KHDRBS3: variants seen among roughly 807,000 people sequenced by gnomAD.
KHDRBS3 encodes KH domain-containing, RNA-binding, signal transduction-associated protein 3.
Under a neutral mutation model 45.6 loss-of-function variants are expected in KHDRBS3, and 23 were observed. The observed-to-expected ratio is 0.50, with a 90% CI of 0.36 to 0.72. The LOEUF is 0.72. Among genes scored for constraint, KHDRBS3 ranks in the 30% least tolerant of loss-of-function variants. The pLI is 0.00. For missense variants in KHDRBS3, 352 were observed against 424.8 expected, an observed-to-expected ratio of 0.83 and a Z score of 1.51; for synonymous variants, 162 against 156.5, an observed-to-expected ratio of 1.04 and a Z score of -0.26.
chr8:135,570,473 A>T (rs1827647270), intron 5 of KHDRBS3, among the ~76,000 whole-genome samples: 1 of 152,368 alleles, frequency 6.6e-6, no homozygotes, highest in South Asian at 2.1e-4. Context: ...GGTATGATTT[A>T]TATTAATGTA....
chr8:135,655,235 A>T (rs546970281), intron 4 of KHDRBS3, among the ~76,000 whole-genome samples: 3 of 152,324 alleles, frequency 2.0e-5, no homozygotes, highest in African/African-American at 7.2e-5. Flanking sequence ...AGCAGTACTG[A>T]TGCTTTATGC....
intron 7 of KHDRBS3, among the ~76,000 whole-genome samples, chr8:135,629,907 A>C (rs1358350578): frequency 6.6e-6 from 1 of 152,190 alleles, no homozygotes; most frequent in Non-Finnish European, 1.5e-5. Flanking sequence ...CTCCACCCAT[A>C]TAGTAACTTC....
intron 4 of KHDRBS3, chr8:135,549,392 G>A (rs1489706208): frequency 6.6e-6 from 1 of 152,188 alleles, no homozygotes; most frequent in African/African-American, 2.4e-5. Flanking sequence ...AAATATAACA[G>A]ACATAACCAT....
Position 135,550,635 on chromosome 8 carries a change from A to G in KHDRBS3, c.471+1735A>G, listed in dbSNP as rs1826541417. Among the ~76,000 whole-genome samples, 3 of 152,206 alleles carry G rather than the reference A, an allele frequency of 2.0e-5. No individual in the cohort carries two copies. In the South Asian group the frequency reaches 6.2e-4, roughly 31 times the overall value. ...GCTCTTAATTACTTTAGCCTTAAGT[A>G]AATCTGGAAATCTAGGTTGTGTAAA... On this transcript the variant is annotated intron_variant, in intron 4 of 8. Coordinates refer to ENST00000355849, the MANE Select transcript of KHDRBS3 (RefSeq NM_006558.3).
intron 1 of KHDRBS3, among the ~76,000 whole-genome samples, chr8:135,480,656 GA>G (rs923920955): frequency 2.6e-5 from 4 of 151,412 alleles, no homozygotes; most frequent in Non-Finnish European, 5.9e-5. Context: ...AGGTAGAAAG[GA>G]AAAAAAAGAG....
chr8:135,534,094 CA>C lies in KHDRBS3; in HGVS notation c.208-8559del, dbSNP rs138638426. On this transcript the variant is annotated intron_variant, in intron 2 of 8. Coordinates refer to ENST00000355849, the MANE Select transcript of KHDRBS3 (RefSeq NM_006558.3). The stretch of plus-strand genomic sequence containing the variant: ...GTCTATATCTTGTACTGTATCCAAA[CA>C]TTTTTTAAAAAAATTCTTTATATCC... Among the ~76,000 whole-genome samples the C allele has an allele frequency of 0.02, 2,971 of 152,192 alleles. 309 individuals carry two copies. In the East Asian group the frequency reaches 0.34, roughly 17 times the overall value.
intron 1 of KHDRBS3, among the ~76,000 whole-genome samples, chr8:135,502,665 G>A (rs955166509): frequency 6.6e-5 from 10 of 152,114 alleles, no homozygotes; most frequent in African/African-American, 2.4e-4. Context: ...TGAGCTCAGC[G>A]ATGCCTGTCT....
chr8:135,586,583 T>C (rs993505188), intron 6 of KHDRBS3, among the ~76,000 whole-genome samples: 2 of 152,170 alleles, frequency 1.3e-5, no homozygotes, highest in African/African-American at 2.4e-5. Flanking sequence ...AACAAAGCGC[T>C]ACTAATACAT....
At chr8:135,628,350 T>C (rs1256296406) in intron 7 of KHDRBS3, among the ~76,000 whole-genome samples, 1 of 152,166 alleles carries the variant, frequency 6.6e-6, no homozygotes, top group African/African-American at 2.4e-5. Context: ...GCTGAACAGA[T>C]GTCGAATGAA....
At chr8:135,540,287 G>A (rs1825980633) in intron 2 of KHDRBS3, 1 of 152,200 alleles carries the variant, frequency 6.6e-6, no homozygotes, top group South Asian at 2.1e-4. Flanking sequence ...TGAGCTGGCA[G>A]GCAGGGAAGA....
At chr8:135,652,760 A>G (rs1463167481) in intron 4 of KHDRBS3, among the ~76,000 whole-genome samples, 1 of 152,170 alleles carries the variant, frequency 6.6e-6, no homozygotes, top group Non-Finnish European at 1.5e-5. Flanking sequence ...ATCTTGCTCT[A>G]TGAATTCTGC....
At chr8:135,594,157 A>T (rs75099621) in intron 6 of KHDRBS3, among the ~76,000 whole-genome samples, 6 of 152,204 alleles carry the variant, frequency 3.9e-5, no homozygotes, top group Non-Finnish European at 7.4e-5. Flanking sequence ...ACATAACAGG[A>T]TGTGGAATAA....
chr8:135,533,496 A>G (rs746458308), intron 2 of KHDRBS3, among the ~76,000 whole-genome samples: 1 of 152,142 alleles, frequency 6.6e-6, no homozygotes, highest in Non-Finnish European at 1.5e-5. Context: ...GTGTGTGTGT[A>G]TACACACACA....
intron 1 of KHDRBS3, among the ~76,000 whole-genome samples, chr8:135,480,069 T>A (rs1050914218): frequency 6.6e-6 from 1 of 152,142 alleles, no homozygotes; most frequent in Non-Finnish European, 1.5e-5. Context: ...AACCTCATAA[T>A]CATTTCAGTG....
At chr8:135,549,793 T>C (rs1480860279) in intron 4 of KHDRBS3, 1 of 152,220 alleles carries the variant, frequency 6.6e-6, no homozygotes, top group Non-Finnish European at 1.5e-5. Context: ...ACTGTGATTA[T>C]ATTATCTGTG....
chr8:135,498,085 C>T (rs1271989368), intron 1 of KHDRBS3, among the ~76,000 whole-genome samples: 1 of 151,772 alleles, frequency 6.6e-6, no homozygotes, highest in East Asian at 1.9e-4. Context: ...ATGCATGGCT[C>T]TGTATGAAGG....
intron 5 of KHDRBS3, among the ~76,000 whole-genome samples, chr8:135,561,542 T>G (rs1166544400): frequency 1.3e-5 from 2 of 151,576 alleles, no homozygotes; most frequent in African/African-American, 4.8e-5. Context: ...GTAATAAGTT[T>G]TTTTTTTTTT....
chr8:135,515,516 G>T (rs1045885625), intron 1 of KHDRBS3, among the ~76,000 whole-genome samples: 3 of 150,430 alleles, frequency 2.0e-5, no homozygotes, highest in Non-Finnish European at 4.4e-5. Flanking sequence ...TCTGCTCTGT[G>T]CCCAGAGGCT....
chr8:135,469,522 GGTT>G (rs796521584), intron 1 of KHDRBS3, among the ~76,000 whole-genome samples: 42 of 20,798 alleles, frequency 2.0e-3, no homozygotes, highest in South Asian at 0.012. Context: ...TTTTTGTTTT[GGTT>G]TTTTTTTTTT....
Sources: allele counts gnomAD v4.1 joint callset (sites outside exome capture counted in the v4.1 genomes callset), GRCh38; gene constraint gnomAD v4.1.1; transcripts MANE v1.5; gene names NCBI Gene and HGNC (gene_info 2026-07-23, HGNC 2026-07-21).